Variants in MLNR observed in about 807,000 individuals in gnomAD.
MLNR encodes the protein G protein-coupled receptor 38.
Under a neutral mutation model 20.0 loss-of-function variants are expected in MLNR, and 16 were observed. The observed-to-expected ratio is 0.80, with a 90% CI of 0.54 to 1.22. The LOEUF is 1.22. Ranked by LOEUF, MLNR falls within the 50% of genes most tolerant of loss-of-function variation. The pLI is 0.00. For synonymous variants in MLNR, 302 were observed against 287.2 expected (o/e 1.05, Z -0.52); for missense variants, 630 against 592.3 (o/e 1.06, Z -0.66).
chr13:49,220,343 C>T lies in MLNR; in HGVS notation c.6C>T (p.Gly2=). 3 of 1,378,618 alleles carry T rather than the reference C, an allele frequency of 2.2e-6. No homozygotes were observed. The highest frequency in any genetic ancestry group is 3.3e-5 in the South Asian group (2 of 60,672). 85.4% of individuals were successfully genotyped at this position (1,378,618 alleles called of 1,614,324 possible). The change falls in exon 1 of 2, where the codon GGC becomes GGT. Residue 2 remains glycine, a synonymous_variant. Coordinates refer to ENST00000218721, the MANE Select transcript of MLNR (RefSeq NM_001507.1). The surrounding 1 kb of genome is among the most constrained non-coding windows in gnomAD (Gnocchi z 4.4). M[G]SPWNGSDGPE... is the part of the protein sequence containing the mutation. ...GGCGGCCGCGCGGAGCACCCATGGG[C>T]AGCCCCTGGAACGGCAGCGACGGCC...
chr13:49,222,131 C>G lies in MLNR; in HGVS notation c.993C>G (p.Tyr331Ter). ...ACACGGAAGATTCGCGGATGATGTACTTCTCTCAGTACTTTAACATCGTCG... is the reference window on the plus strand; with the variant it reads ...ACACGGAAGATTCGCGGATGATGTAGTTCTCTCAGTACTTTAACATCGTCG... Reference protein sequence around the residue: ...YINTEDSRMMYFSQYFNIVAL... With the variant: ...YINTEDSRMM Residue 331 changes from tyrosine to a stop codon, truncating the protein, a stop_gained, in exon 2 of 2, where the codon TAC becomes TAG. Transcript: ENST00000218721. LOFTEE classifies it low-confidence loss of function (END_TRUNC). 1 of 1,614,068 alleles carries G rather than the reference C, an allele frequency of 6.2e-7. No homozygotes were observed. Among genetic ancestry groups the G allele is most frequent in the South Asian group, 1.1e-5 (1 of 91,080 alleles).
Position 49,222,143 on chromosome 13 carries a change from C to T in MLNR, c.1005C>T (p.Tyr335=), listed in dbSNP as rs371211366. The change falls in exon 2 of 2, where the codon TAC becomes TAT. Residue 335 remains tyrosine (Y), a synonymous_variant. Transcript: ENST00000218721. The part of the protein sequence containing the change: ...EDSRMMYFSQ[Y]FNIVALQLFY... ...CGCGGATGATGTACTTCTCTCAGTA[C>T]TTTAACATCGTCGCTCTGCAACTTT... 6 of 1,614,014 alleles carry T rather than the reference C, an allele frequency of 3.7e-6. No homozygotes were observed. The highest frequency in any genetic ancestry group is 5.1e-6 in the Non-Finnish European group (6 of 1,180,030).
chr13:49,221,723 C>G (rs778015986), intron 1 of MLNR, among the ~76,000 whole-genome samples: 5 of 152,254 alleles, frequency 3.3e-5, no homozygotes, highest in South Asian at 4.1e-4. Flanking sequence ...TTCTTTTCAA[C>G]AGAGAACAGA....
At chr13:49,221,313 C>G in intron 1 of MLNR, 75 bp downstream of exon 1, 1 of 1,446,688 alleles carries the variant, frequency 6.9e-7, no homozygotes, top group Non-Finnish European at 9.4e-7. Flanking sequence ...AACGCTGGGT[C>G]CCCTTCCCCT....
intron 1 of MLNR, among the ~76,000 whole-genome samples, chr13:49,221,546 C>G (rs1033830751): frequency 6.6e-5 from 10 of 152,198 alleles, no homozygotes; most frequent in Non-Finnish European, 1.3e-4. Flanking sequence ...AATTCTTAAT[C>G]CAACCACCTG....
Position 49,222,309 on chromosome 13 carries a change from G to A in MLNR, c.1171G>A (p.Ala391Thr), listed in dbSNP as rs769886250. 1 of 1,613,932 alleles carries A rather than the reference G, an allele frequency of 6.2e-7. No individual in the cohort carries two copies. The highest frequency in any genetic ancestry group is 8.5e-7 in the Non-Finnish European group (1 of 1,180,000). ...HRSRDTAGEV[A>T]GDTGGDTVGY... is the part of the protein sequence containing the mutation. Reference sequence around the variant, plus strand: ...AAGCAGGGACACTGCGGGGGAAGTTGCAGGGGACACTGGAGGAGACACGGT... The same window carrying A: ...AAGCAGGGACACTGCGGGGGAAGTTACAGGGGACACTGGAGGAGACACGGT... Residue 391 changes from alanine to threonine, a missense_variant, in exon 2 of 2, where the codon GCA (alanine) becomes ACA (threonine). Physicochemically the swap from Ala to Thr is moderately conservative, Grantham distance 58 (BLOSUM62 0). Transcript: ENST00000218721.
In MLNR at chr13:49,222,360, G is replaced by A; in HGVS notation, c.1222G>A (p.Val408Met). Residue 408 changes from valine (V) to methionine (M), a missense_variant, in exon 2 of 2, where the codon GTG becomes ATG. Physicochemically the swap from Val to Met is conservative, Grantham distance 21. Transcript: ENST00000218721. ...GGGCTACACCGAGACAAGCGCTAAC[G>A]TGAAGACGATGGGATAACCAGCACG... ...TVGYTETSAN[V>M]KTMG The A allele has an allele frequency of 6.2e-7, 1 of 1,612,210 alleles. No individual in the cohort carries two copies. Among genetic ancestry groups the A allele is most frequent in the East Asian group, 2.2e-5 (1 of 44,854 alleles).
At chr13:49,221,417 G>T in intron 1 of MLNR, 179 bp downstream of exon 1, 1 of 681,324 alleles carries the variant, frequency 1.5e-6, no homozygotes, top group Non-Finnish European at 2.4e-6. Context: ...AGAAAACCAT[G>T]TCCTGTCCCC....
rs563183195 is a variant in MLNR at position 49,221,398 on chromosome 13, C to A, written c.901+160C>A. 1.9e-4 allele frequency: 146 copies of A among 777,096 alleles called. 1 individual carries two copies. Among genetic ancestry groups the A allele is most frequent in the South Asian group, 1.5e-3 (95 of 61,504 alleles). The allele number at this position is 777,096 out of a possible 1,614,324, so 48.1% of individuals were successfully genotyped here. A position where few individuals can be genotyped will look rare whatever the true frequency, so the allele number is the denominator to read the frequency against. Reference sequence around the variant, plus strand: ...CCAGCCTCCACCCGCCGGTACTTCCCATCCCCCGAGAAAACCATGTCCTGT... The same window carrying A: ...CCAGCCTCCACCCGCCGGTACTTCCAATCCCCCGAGAAAACCATGTCCTGT... On this transcript the variant is annotated intron_variant, in intron 1 of 1. Transcript: ENST00000218721.
At chr13:49,221,456 T>C in intron 1 of MLNR, 1 of 572,802 alleles carries the variant, frequency 1.7e-6, no homozygotes, top group East Asian at 3.1e-5. Flanking sequence ...CCAGGGCGCT[T>C]TGAGGGTGGG....
In MLNR at chr13:49,221,023, C is replaced by T. The variant is rs549141606; in HGVS notation, c.686C>T (p.Ala229Val). The change falls in exon 1 of 2, where the codon GCG becomes GTG. Residue 229 changes from alanine (A) to valine (V), a missense_variant. Coordinates refer to ENST00000218721, the MANE Select transcript of MLNR (RefSeq NM_001507.1). The part of the protein sequence containing the change: ...PSGPETAEAA[A>V]LFSRECRPSP... ...GGGCCCGAGACCGCGGAGGCCGCGGCGCTGTTCAGCCGCGAATGCCGGCCG... is the reference window on the plus strand; with the variant it reads ...GGGCCCGAGACCGCGGAGGCCGCGGTGCTGTTCAGCCGCGAATGCCGGCCG... 5.1e-6 allele frequency: 8 copies of T among 1,554,242 alleles called. No homozygotes were observed. The South Asian group carries it at 9.4e-5, about 18-fold the overall frequency.
intron 1 of MLNR, 125 bp from the exon 2 acceptor site, chr13:49,221,914 TA>T: frequency 1.2e-6 from 1 of 841,788 alleles, no homozygotes; most frequent in Non-Finnish European, 1.9e-6. Flanking sequence ...AGGATCTGCC[TA>T]GGTAGAAGTT....
At position 49,220,804 on chromosome 13, in the gene MLNR, G is replaced by A. The variant is rs768679728; in HGVS notation, c.467G>A (p.Arg156His). Residue 156 changes from arginine to histidine, a missense_variant, in exon 1 of 2, where the codon CGC (arginine) becomes CAC (histidine). Coordinates refer to ENST00000218721, the MANE Select transcript of MLNR (RefSeq NM_001507.1). This position sits in a 1 kb window ranked among gnomAD's most constrained non-coding sequence, Gnocchi z 4.4. Reference protein sequence around the residue: ...ARVLVTRRRVRALIAVLWAVA... With the variant: ...ARVLVTRRRVHALIAVLWAVA... ...GTCTTGGTCACCCGGCGCCGCGTCC[G>A]CGCGCTCATCGCTGTGCTCTGGGCC... The A allele has an allele frequency of 4.5e-6, 7 of 1,569,652 alleles. No homozygotes were observed.
intron 1 of MLNR, 174 bp downstream of exon 1, chr13:49,221,412 A>G (rs1172199060): frequency 2.8e-6 from 2 of 702,570 alleles, no homozygotes; most frequent in Non-Finnish European, 4.7e-6. Flanking sequence ...CCCCGAGAAA[A>G]CCATGTCCTG....
At position 49,221,101 on chromosome 13, in the gene MLNR, A is replaced by G; in HGVS notation, c.764A>G (p.Tyr255Cys). Residue 255 changes from tyrosine to cysteine, a missense_variant, in exon 1 of 2, where the codon TAC becomes TGC. By Grantham distance (194) the Tyr-to-Cys change is radical (BLOSUM62 -2). Coordinates refer to ENST00000218721, the MANE Select transcript of MLNR (RefSeq NM_001507.1). ...GTCATGCTGTGGGTCACCACCGCCTACTTCTTCCTGCCCTTTCTGTGCCTC... is the reference window on the plus strand; with the variant it reads ...GTCATGCTGTGGGTCACCACCGCCTGCTTCTTCCTGCCCTTTCTGTGCCTC... Reference protein sequence around the residue: ...LRVMLWVTTAYFFLPFLCLSI... With the variant: ...LRVMLWVTTACFFLPFLCLSI... 4.4e-6 allele frequency: 7 copies of G among 1,590,012 alleles called. No homozygotes were observed. Among genetic ancestry groups the G allele is most frequent in the Non-Finnish European group, 6.0e-6 (7 of 1,176,420 alleles).
In MLNR at chr13:49,221,177, GCTGCGA is replaced by G; in HGVS notation, c.841_846del (p.Leu281_Arg282del). ...GGGAGCTGTGGAGCAGCCGGCGGCC[GCTGCGA>G]GGCCCGGCCGCCTCGGGGCGGGAGA... is the stretch of plus-strand genomic sequence containing the variant. On this transcript the variant is annotated inframe_deletion, in exon 1 of 2. Transcript: ENST00000218721. 1 of 1,585,776 alleles carries G rather than the reference GCTGCGA, an allele frequency of 6.3e-7. No individual in the cohort carries two copies.
Position 49,221,036 on chromosome 13 carries a change from C to G in MLNR, c.699C>G (p.Arg233=), listed in dbSNP as rs1437656834. 6.4e-7 allele frequency: 1 copy of G among 1,565,122 alleles called. No individual in the cohort carries two copies. Among genetic ancestry groups the G allele is most frequent in the African/African-American group, 1.4e-5 (1 of 70,782 alleles). ...CGGAGGCCGCGGCGCTGTTCAGCCG[C>G]GAATGCCGGCCGAGCCCCGCGCAGC... is the stretch of plus-strand genomic sequence containing the variant. The part of the protein sequence containing the change: ...ETAEAAALFS[R]ECRPSPAQLG... The change falls in exon 1 of 2, where the codon CGC becomes CGG. Residue 233 remains arginine, a synonymous_variant. Coordinates refer to ENST00000218721, the MANE Select transcript of MLNR (RefSeq NM_001507.1).
In MLNR at chr13:49,220,555, C is replaced by A; in HGVS notation, c.218C>A (p.Thr73Asn). 1 of 1,613,216 alleles carries A rather than the reference C, an allele frequency of 6.2e-7. No individual in the cohort carries two copies. Among genetic ancestry groups the A allele is most frequent in the East Asian group, 2.2e-5 (1 of 44,816 alleles). ...IGRYRDMRTT[T>N]NLYLGSMAVS... The stretch of plus-strand genomic sequence containing the variant: ...CGCTACCGGGACATGCGGACCACCA[C>A]CAACTTGTACCTGGGCAGCATGGCC... The change falls in exon 1 of 2, where the codon ACC becomes AAC. Residue 73 changes from threonine to asparagine, a missense_variant. By Grantham distance (65) the Thr-to-Asn change is moderately conservative. Coordinates refer to ENST00000218721, the MANE Select transcript of MLNR (RefSeq NM_001507.1). This position sits in a 1 kb window ranked among gnomAD's most constrained non-coding sequence, Gnocchi z 4.4.
chr13:49,222,268 C>G lies in MLNR; in HGVS notation c.1130C>G (p.Pro377Arg). Residue 377 changes from proline to arginine, a missense_variant, in exon 2 of 2, where the codon CCG becomes CGG. Pro to Arg is a moderately radical substitution (Grantham distance 103). Transcript: ENST00000218721. ...FKLLLARKSR[P>R]RGFHRSRDTA... ...CTGCTGCTCGCAAGGAAGTCCAGGC[C>G]GAGAGGCTTCCACAGAAGCAGGGAC... 6.2e-7 allele frequency: 1 copy of G among 1,613,860 alleles called. No homozygotes were observed. Among genetic ancestry groups the G allele is most frequent in the Non-Finnish European group, 8.5e-7 (1 of 1,179,996 alleles).
Sources: allele counts gnomAD v4.1 joint callset (sites outside exome capture counted in the v4.1 genomes callset), GRCh38; gene constraint gnomAD v4.1.1; non-coding constraint Gnocchi (gnomAD v3.1); transcripts MANE v1.5; gene names NCBI Gene and HGNC (gene_info 2026-07-23, HGNC 2026-07-21).